UTP18: variants seen among roughly 807,000 people sequenced by gnomAD.
The protein encoded by UTP18 is UTP18 small subunit processome component, also known as U3 small nucleolar RNA-associated protein 18 homolog.
Under a neutral mutation model 61.1 loss-of-function variants are expected in UTP18, and 36 were observed. The observed-to-expected ratio is 0.59, with a 90% CI of 0.45 to 0.78. UTP18 has a LOEUF of 0.78. Among genes scored for constraint, UTP18 ranks in the 30% least tolerant of loss-of-function variants. UTP18 has a pLI of 0.00. For synonymous variants in UTP18, 282 were observed against 251.1 expected (o/e 1.12, Z -1.16); for missense variants, 753 against 693.9 (o/e 1.09, Z -0.96).
intron 12 of UTP18, among the ~76,000 whole-genome samples, chr17:51,295,473 T>A (rs1416355669): frequency 1.3e-5 from 2 of 152,250 alleles, no homozygotes; most frequent in Admixed American, 1.3e-4. Flanking sequence ...TCCCCATTTT[T>A]TGTTTTTGTC....
intron 9 of UTP18, among the ~76,000 whole-genome samples, chr17:51,282,366 G>T (rs914814578): frequency 2.0e-5 from 3 of 151,940 alleles, no homozygotes; most frequent in Non-Finnish European, 2.9e-5. Flanking sequence ...CTTTCACAAG[G>T]TTATTTACAT....
chr17:51,273,925 TTGTA>T (rs1904626110), intron 5 of UTP18, among the ~76,000 whole-genome samples: 1 of 152,290 alleles, frequency 6.6e-6, no homozygotes, highest in African/African-American at 2.4e-5. Context: ...AAATCATTCT[TTGTA>T]TGGCAGCCAG....
chr17:51,277,233 G>T lies in UTP18; in HGVS notation c.941G>T (p.Ser314Ile), dbSNP rs752978730. ...AATGGGGAAGAAGTTTTAGCCACGA[G>T]TACCCACAGCAAGGTTCTTTATGTC... ...SANGEEVLAT[S>I]THSKVLYVYD... Residue 314 changes from serine (S) to isoleucine (I), a missense_variant, in exon 7 of 14, where the codon AGT becomes ATT. Physicochemically the swap from Ser to Ile is moderately radical, Grantham distance 142 (BLOSUM62 -2). Transcript: ENST00000225298. The T allele has an allele frequency of 6.2e-7, 1 of 1,614,136 alleles. No homozygotes were observed. The highest frequency in any genetic ancestry group is 1.7e-5 in the Admixed American group (1 of 60,030).
In UTP18 at chr17:51,296,804, G is replaced by T. The variant is rs1425271945; in HGVS notation, c.1647-161G>T. 4.9e-6 allele frequency: 3 copies of T among 609,708 alleles called. No individual in the cohort carries two copies. In the African/African-American group the frequency reaches 5.8e-5, roughly 12 times the overall value. 37.8% of individuals were successfully genotyped at this position (609,708 alleles called of 1,614,324 possible). ...AAATCTGAGGCGTTCAGATCCTCCAGAATGTCAGATTGAGGAGTCTGAACC... is the reference window on the plus strand; with the variant it reads ...AAATCTGAGGCGTTCAGATCCTCCATAATGTCAGATTGAGGAGTCTGAACC... On this transcript the variant is annotated intron_variant, in intron 12 of 13. Transcript: ENST00000225298.
intron 4 of UTP18, among the ~76,000 whole-genome samples, chr17:51,270,311 T>C (rs1904484381): frequency 6.6e-6 from 1 of 152,246 alleles, no homozygotes; most frequent in Non-Finnish European, 1.5e-5. Context: ...TGTTTGTTTT[T>C]TAATATGTTA....
At chr17:51,273,580 G>T in intron 5 of UTP18, 130 bp downstream of exon 5, 1 of 580,750 alleles carries the variant, frequency 1.7e-6, no homozygotes, top group Non-Finnish European at 2.8e-6. Flanking sequence ...TTTTGCCCTG[G>T]TAAATACTTA....
In UTP18 at chr17:51,277,231, G is replaced by A. The variant is rs1385030543; in HGVS notation, c.939G>A (p.Thr313=). Residue 313 remains threonine, a synonymous_variant, in exon 7 of 14, where the codon ACG becomes ACA. Transcript: ENST00000225298. ...FSANGEEVLA[T]STHSKVLYVY... ...CTAATGGGGAAGAAGTTTTAGCCACGAGTACCCACAGCAAGGTTCTTTATG... is the reference window on the plus strand; with the variant it reads ...CTAATGGGGAAGAAGTTTTAGCCACAAGTACCCACAGCAAGGTTCTTTATG... 1.2e-6 allele frequency: 2 copies of A among 1,614,088 alleles called. No individual in the cohort carries two copies. The highest frequency in any genetic ancestry group is 1.1e-5 in the South Asian group (1 of 91,086).
At position 51,273,390 on chromosome 17, in the gene UTP18, G is replaced by A. The variant is rs1202096707; in HGVS notation, c.651G>A (p.Leu217=). 6.2e-7 allele frequency: 1 copy of A among 1,610,524 alleles called. No homozygotes were observed. The highest frequency in any genetic ancestry group is 1.1e-5 in the South Asian group (1 of 90,624). ...DDESEEDEDD[L]LQRTGNFIST... Reference sequence around the variant, plus strand: ...AAAGTGAAGAGGATGAAGATGATTTGTTGCAAAGGACTGGGAATTTCATAT... The same window carrying A: ...AAAGTGAAGAGGATGAAGATGATTTATTGCAAAGGACTGGGAATTTCATAT... The change falls in exon 5 of 14, where the codon TTG becomes TTA. Residue 217 remains leucine (L), a synonymous_variant. Transcript: ENST00000225298.
At chr17:51,273,328 C>G (rs759283533) in intron 4 of UTP18, 34 bp from the exon 5 acceptor site, 2 of 1,546,798 alleles carry the variant, frequency 1.3e-6, no homozygotes, top group Non-Finnish European at 8.8e-7. Context: ...CTCATTGATT[C>G]TAAAGATCAG....
chr17:51,292,852 G>A (rs567749839), intron 11 of UTP18, among the ~76,000 whole-genome samples: 110 of 152,322 alleles, frequency 7.2e-4, no homozygotes, highest in African/African-American at 2.5e-3. Flanking sequence ...TTTGAGGTGA[G>A]CTTTTGGCTC....
chr17:51,277,242 G>T lies in UTP18; in HGVS notation c.950G>T (p.Ser317Ile), dbSNP rs775814535. Residue 317 changes from serine to isoleucine, a missense_variant, in exon 7 of 14, where the codon AGC (serine) becomes ATC (isoleucine). Physicochemically the swap from Ser to Ile is moderately radical, Grantham distance 142. Coordinates refer to ENST00000225298, the MANE Select transcript of UTP18 (RefSeq NM_016001.3). ...GAAGTTTTAGCCACGAGTACCCACA[G>T]CAAGGTTCTTTATGTCTATGACATG... ...GEEVLATSTH[S>I]KVLYVYDMLA... is the part of the protein sequence containing the mutation. 23 of 1,614,034 alleles carry T rather than the reference G, an allele frequency of 1.4e-5. No individual in the cohort carries two copies. In the South Asian group the frequency reaches 2.4e-4, roughly 17 times the overall value.
intron 13 of UTP18, 104 bp from the exon 14 acceptor site, chr17:51,297,678 A>G (rs2144453982): frequency 2.4e-6 from 1 of 410,518 alleles, no homozygotes; most frequent in Non-Finnish European, 4.7e-6. Flanking sequence ...AGGAGGGGAA[A>G]GCAGTTTAGC....
At chr17:51,289,528 G>T (rs905945057) in intron 11 of UTP18, among the ~76,000 whole-genome samples, 1 of 151,946 alleles carries the variant, frequency 6.6e-6, no homozygotes, top group African/African-American at 2.4e-5. Context: ...AAGGATAGCA[G>T]CCTTGGGCCT....
chr17:51,263,474 G>A, intron 2 of UTP18, 88 bp downstream of exon 2: 1 of 987,918 alleles, frequency 1.0e-6, no homozygotes, highest in Non-Finnish European at 1.5e-6. Flanking sequence ...TTACCAATTT[G>A]TGATTATGTG....
At chr17:51,295,472 T>C (rs1293576322) in intron 12 of UTP18, among the ~76,000 whole-genome samples, 2 of 152,130 alleles carry the variant, frequency 1.3e-5, no homozygotes, top group Admixed American at 1.3e-4. Context: ...TTCCCCATTT[T>C]TTGTTTTTGT....
intron 11 of UTP18, among the ~76,000 whole-genome samples, chr17:51,291,738 C>CA (rs373296052): frequency 0.012 from 1,175 of 96,850 alleles, 6 homozygotes; most frequent in South Asian, 0.02. Flanking sequence ...GACTTGATCT[C>CA]AAAAAAAAAA....
chr17:51,294,367 A>G (rs1905306684), intron 12 of UTP18, among the ~76,000 whole-genome samples: 1 of 114,572 alleles, frequency 8.7e-6, no homozygotes, highest in Non-Finnish European at 1.7e-5. Flanking sequence ...ACCCCACAAC[A>G]GTACCTGGAG....
In UTP18 at chr17:51,277,318, T is replaced by C. The variant is rs1424865757; in HGVS notation, c.1012+14T>C. Reference sequence around the variant, plus strand: ...ATCAAGTGAGAGGTAAGATTTCTGTTGAATGCACACAACCAGTCATTCCCC... The same window carrying C: ...ATCAAGTGAGAGGTAAGATTTCTGTCGAATGCACACAACCAGTCATTCCCC... On this transcript the variant is annotated intron_variant, in intron 7 of 13. Coordinates refer to ENST00000225298, the MANE Select transcript of UTP18 (RefSeq NM_016001.3). 1.9e-6 allele frequency: 3 copies of C among 1,613,030 alleles called. No individual in the cohort carries two copies. Among genetic ancestry groups the C allele is most frequent in the Admixed American group, 1.7e-5 (1 of 59,952 alleles).
At chr17:51,283,436 G>A (rs1265087755) in intron 9 of UTP18, among the ~76,000 whole-genome samples, 6 of 152,056 alleles carry the variant, frequency 3.9e-5, no homozygotes, top group African/African-American at 1.4e-4. Context: ...CCAAAGTGCT[G>A]GGATTATAGG....
Sources: gnomAD v4.1 joint callset for allele counts (sites outside exome capture counted in the v4.1 genomes callset) on GRCh38, gnomAD v4.1.1 for gene constraint, MANE v1.5 for transcripts, NCBI Gene and HGNC (gene_info 2026-07-23, HGNC 2026-07-21) for gene names.